LRRC4C: variants seen among roughly 807,000 people sequenced by gnomAD.
The protein encoded by LRRC4C is leucine-rich repeat-containing protein 4C.
Under a neutral mutation model 33.6 loss-of-function variants are expected in LRRC4C, and 5 were observed. That is an observed-to-expected ratio of 0.15 (90% CI 0.08 to 0.31). The LOEUF (loss-of-function observed/expected upper bound fraction) is 0.31. LRRC4C is among the 10% of genes least tolerant of loss of function. The pLI is 1.00. For missense variants in LRRC4C, 560 were observed against 796.7 expected (o/e 0.70, Z 3.58); for synonymous variants, 329 against 302.0 (o/e 1.09, Z -0.93).
At chr11:40,495,208 C>T (rs752915521) in intron 3 of LRRC4C, among the ~76,000 whole-genome samples, 2 of 152,216 alleles carry the variant, frequency 1.3e-5, no homozygotes, top group Middle Eastern at 3.4e-3. Flanking sequence ...TATTTATAAA[C>T]CCAAATAGTA....
At chr11:40,857,108 T>G (rs1266257166) in intron 2 of LRRC4C, among the ~76,000 whole-genome samples, 2 of 152,174 alleles carry the variant, frequency 1.3e-5, no homozygotes, top group Admixed American at 1.3e-4. Flanking sequence ...ACACCAAATT[T>G]CTCTATTTCT....
intron 3 of LRRC4C, among the ~76,000 whole-genome samples, chr11:40,383,920 A>AAGT (rs1948997656): frequency 7.4e-6 from 1 of 135,432 alleles, no homozygotes; most frequent in Non-Finnish European, 1.5e-5. Context: ...TTTTAATTCA[A>AAGT]ATTATTATTA....
chr11:40,666,117 C>T (rs577844534), intron 2 of LRRC4C, among the ~76,000 whole-genome samples: 1 of 152,006 alleles, frequency 6.6e-6, no homozygotes, highest in African/African-American at 2.4e-5. Flanking sequence ...TTCTACGGTA[C>T]AGTTATATGA....
At chr11:40,831,591 T>A (rs1952413147) in intron 2 of LRRC4C, among the ~76,000 whole-genome samples, 1 of 152,164 alleles carries the variant, frequency 6.6e-6, no homozygotes, top group South Asian at 2.1e-4. Context: ...TATTAGTTCA[T>A]TTTCATACTG....
rs1218994037 is a variant in LRRC4C at position 41,168,833 on chromosome 11, T to C, written c.-495-235110A>G. ...CAATCTGTTTCTGCCAAAATGCCAA[T>C]GGTCATCACGGAAGTTCAATCACTT... On this transcript the variant is annotated intron_variant, in intron 1 of 6. Transcript: ENST00000528697. Among the ~76,000 whole-genome samples the C allele has an allele frequency of 2.6e-5, 4 of 152,166 alleles. 1 individual carries two copies. The highest frequency in any genetic ancestry group is 4.1e-4 in the South Asian group (2 of 4,824).
intron 1 of LRRC4C, among the ~76,000 whole-genome samples, chr11:41,202,375 G>A (rs1590922290): frequency 1.3e-5 from 2 of 152,134 alleles, no homozygotes; most frequent in Admixed American, 1.3e-4. Context: ...AGTTAATTCA[G>A]CTGCTCCATC....
chr11:40,898,916 C>T (rs926082284), intron 2 of LRRC4C, among the ~76,000 whole-genome samples: 8 of 151,968 alleles, frequency 5.3e-5, no homozygotes, highest in South Asian at 2.1e-4. Flanking sequence ...AGAAGATTCC[C>T]GAAAGAACTA....
intron 1 of LRRC4C, among the ~76,000 whole-genome samples, chr11:41,293,141 A>G (rs1950037702): frequency 6.6e-6 from 1 of 152,214 alleles, no homozygotes; most frequent in Non-Finnish European, 1.5e-5. Flanking sequence ...AAATCATATT[A>G]TAACACAATA....
chr11:40,801,006 G>T (rs1951019134), intron 2 of LRRC4C, among the ~76,000 whole-genome samples: 1 of 151,702 alleles, frequency 6.6e-6, no homozygotes, highest in Non-Finnish European at 1.5e-5. Flanking sequence ...CAACTTAGAG[G>T]GCTTGTTTTC....
chr11:41,325,566 G>GT (rs71466927), intron 1 of LRRC4C, among the ~76,000 whole-genome samples: 19,856 of 105,508 alleles, frequency 0.19, 2,023 homozygotes, highest in East Asian at 0.3. Flanking sequence ...TGTCCTTATA[G>GT]TTTTTTTTTT....
chr11:40,323,783 A>T (rs185281623), intron 3 of LRRC4C, among the ~76,000 whole-genome samples: 2 of 152,312 alleles, frequency 1.3e-5, no homozygotes, highest in East Asian at 3.9e-4. Flanking sequence ...CCCTCTATTG[A>T]ATGAGGTAGT....
At chr11:41,388,701 C>T (rs1265341759) in intron 1 of LRRC4C, among the ~76,000 whole-genome samples, 5 of 151,714 alleles carry the variant, frequency 3.3e-5, no homozygotes, top group African/African-American at 1.2e-4. Flanking sequence ...CATTAAGAAA[C>T]AAAGTGAAGC....
At chr11:40,852,103 C>T (rs530262771) in intron 2 of LRRC4C, among the ~76,000 whole-genome samples, 10 of 151,834 alleles carry the variant, frequency 6.6e-5, no homozygotes, top group South Asian at 6.2e-4. Context: ...CTGGGATTAC[C>T]GGCGTGAGCC....
At chr11:41,147,729 C>T (rs559939708) in intron 1 of LRRC4C, among the ~76,000 whole-genome samples, 81 of 152,238 alleles carry the variant, frequency 5.3e-4, no homozygotes, top group Non-Finnish European at 9.7e-4. Context: ...CAAACAAATA[C>T]TCAAAGAGCT....
chr11:41,042,768 TTTG>T (rs548737449), intron 1 of LRRC4C, among the ~76,000 whole-genome samples: 4 of 152,210 alleles, frequency 2.6e-5, no homozygotes, highest in Non-Finnish European at 5.9e-5. Flanking sequence ...ATACCTTCTT[TTTG>T]TTGTTGTTGT....
At chr11:40,323,792 G>A (rs1590316942) in intron 3 of LRRC4C, among the ~76,000 whole-genome samples, 1 of 152,170 alleles carries the variant, frequency 6.6e-6, no homozygotes, top group Admixed American at 6.5e-5. Context: ...GAATGAGGTA[G>A]TAGCGTATAC....
intron 2 of LRRC4C, among the ~76,000 whole-genome samples, chr11:40,863,380 T>C (rs1954198427): frequency 6.6e-6 from 1 of 152,304 alleles, no homozygotes; most frequent in Non-Finnish European, 1.5e-5. Context: ...ATAGTTTCTG[T>C]ATAAATTGGT....
intron 2 of LRRC4C, among the ~76,000 whole-genome samples, chr11:40,717,997 T>A (rs959021822): frequency 2.6e-5 from 4 of 152,216 alleles, no homozygotes; most frequent in Non-Finnish European, 5.9e-5. Context: ...TGTGTGTGTA[T>A]GTCTTAAATG....
chr11:41,148,148 T>A (rs1413151277), intron 1 of LRRC4C, among the ~76,000 whole-genome samples: 2 of 152,116 alleles, frequency 1.3e-5, no homozygotes, highest in Non-Finnish European at 2.9e-5. Context: ...CCCAAGTAGT[T>A]GGGACTACAG....
Sources: allele counts gnomAD v4.1 joint callset (sites outside exome capture counted in the v4.1 genomes callset), GRCh38; gene constraint gnomAD v4.1.1; transcripts MANE v1.5; gene names NCBI Gene and HGNC (gene_info 2026-07-23, HGNC 2026-07-21).